Variants in DMRT3 observed in about 807,000 individuals in gnomAD.
DMRT3 encodes doublesex- and mab-3-related transcription factor 3.
Under a neutral mutation model 34.9 loss-of-function variants are expected in DMRT3, and 29 were observed. The observed-to-expected ratio is 0.83, with a 90% CI of 0.62 to 1.13. The LOEUF (loss-of-function observed/expected upper bound fraction) is 1.13, where lower values mean the gene tolerates loss of function less well. DMRT3 is among the 50% of genes most tolerant of loss of function. The probability of loss-of-function intolerance (pLI) is 0.00; values close to 1 mark genes in which losing one functional copy is unlikely to be tolerated. For synonymous variants in DMRT3, 350 were observed against 286.0 expected (o/e 1.22, Z -2.26); for missense variants, 772 against 629.1 (o/e 1.23, Z -2.43).
intron 1 of DMRT3, among the ~76,000 whole-genome samples, chr9:988,282 G>T (rs1311369670): frequency 6.6e-6 from 1 of 152,176 alleles, no homozygotes; most frequent in Non-Finnish European, 1.5e-5. Flanking sequence ...TAATTAAAAT[G>T]CAAATTTGGG....
In DMRT3 at chr9:990,239, C is replaced by T. The variant is rs753776043; in HGVS notation, c.653C>T (p.Pro218Leu). The T allele has an allele frequency of 1.2e-6, 2 of 1,614,068 alleles. No homozygotes were observed. Among genetic ancestry groups the T allele is most frequent in the African/African-American group, 1.3e-5 (1 of 75,018 alleles). Residue 218 changes from proline (P) to leucine (L), a missense_variant, in exon 2 of 2, where the codon CCT (proline) becomes CTT (leucine). Pro to Leu is a moderately conservative substitution (Grantham distance 98). Coordinates refer to ENST00000190165, the MANE Select transcript of DMRT3 (RefSeq NM_021240.4). ...QKNGGNPESR[P>L]DSPKCHAEQN... ...AACGGAGGCAACCCCGAGAGCCGCC[C>T]TGACAGCCCCAAGTGTCACGCGGAG... is the stretch of plus-strand genomic sequence containing the variant.
At chr9:983,490 C>T (rs1027040344) in intron 1 of DMRT3, among the ~76,000 whole-genome samples, 2 of 152,016 alleles carry the variant, frequency 1.3e-5, no homozygotes, top group African/African-American at 2.4e-5. Flanking sequence ...TGGAATTTTG[C>T]AAAAGATTAG....
rs1385600154 is a variant in DMRT3 at position 976,786 on chromosome 9, G to T, written c.-216G>T. 6.6e-6 allele frequency among the ~76,000 whole-genome samples: 1 copy of T among 152,282 alleles called. No homozygotes were observed. The highest frequency in any genetic ancestry group is 1.9e-4 in the East Asian group (1 of 5,150). On this transcript the variant is annotated 5_prime_UTR_variant, in exon 1 of 2. Transcript: ENST00000190165. This position sits in a 1 kb window ranked among gnomAD's most constrained non-coding sequence, Gnocchi z 4.5. ...AGAGGCCCGCGTCGGCGTTGGCTGG[G>T]CGTGAGCTGGGAGGCCGAGCTGTGA...
Position 990,276 on chromosome 9 carries a change from C to T in DMRT3, c.690C>T (p.Leu230=). The T allele has an allele frequency of 6.2e-7, 1 of 1,613,950 alleles. No individual in the cohort carries two copies. Among genetic ancestry groups the T allele is most frequent in the South Asian group, 1.1e-5 (1 of 91,052 alleles). The change falls in exon 2 of 2, where the codon CTC becomes CTT. Residue 230 remains leucine (L), a synonymous_variant. Coordinates refer to ENST00000190165, the MANE Select transcript of DMRT3 (RefSeq NM_021240.4). ...AGTGTCACGCGGAGCAGAATCACCT[C>T]CTGATTGAGGGCCCCTCGGGGACTG... ...SPKCHAEQNH[L]LIEGPSGTVS...
rs757070266 is a variant in DMRT3, at chr9:990,102, C to T, written c.516C>T (p.Asp172=). Residue 172 remains aspartate, a synonymous_variant, in exon 2 of 2, where the codon GAC becomes GAT. Transcript: ENST00000190165. ...KSADNTEVFS[D]KDTDQRSSPD... ...CAGACAATACAGAGGTCTTCAGTGA[C>T]AAAGACACTGACCAGAGGAGTTCCC... 7 of 1,614,026 alleles carry T rather than the reference C, an allele frequency of 4.3e-6. No homozygotes were observed. The South Asian group carries it at 4.4e-5, about 10-fold the overall frequency.
chr9:987,200 A>G (rs1327085454), intron 1 of DMRT3, among the ~76,000 whole-genome samples: 1 of 152,098 alleles, frequency 6.6e-6, no homozygotes. Flanking sequence ...ATGAAACAAT[A>G]ACTCCCCATT....
At chr9:983,858 G>A (rs900558434) in intron 1 of DMRT3, among the ~76,000 whole-genome samples, 5 of 150,812 alleles carry the variant, frequency 3.3e-5, no homozygotes, top group Admixed American at 2.6e-4. Flanking sequence ...TCCTTCATAC[G>A]TTATTAATTC....
chr9:991,470 T>C lies in DMRT3; in HGVS notation c.*465T>C, dbSNP rs1221659583. On this transcript the variant is annotated 3_prime_UTR_variant, in exon 2 of 2. Transcript: ENST00000190165. ...GGACATTATATTCTTACACTAAAAA[T>C]CCTTGCATTTTAAAGAGAGATGCAC... The C allele has an allele frequency of 6.5e-6, 1 of 154,744 alleles. No homozygotes were observed. The highest frequency in any genetic ancestry group is 1.4e-5 in the Non-Finnish European group (1 of 69,574). 9.6% of individuals were successfully genotyped at this position (154,744 alleles called of 1,614,324 possible). A position where few individuals can be genotyped will look rare whatever the true frequency, so the allele number is the denominator to read the frequency against.
intron 1 of DMRT3, among the ~76,000 whole-genome samples, chr9:987,715 C>T (rs1467293519): frequency 2.6e-5 from 4 of 151,870 alleles, no homozygotes; most frequent in South Asian, 2.1e-4. Context: ...CTCCCAGTAT[C>T]GTGCAGAAAT....
rs1051963672 is a variant in DMRT3 at position 976,728 on chromosome 9, G to C, written c.-274G>C. On this transcript the variant is annotated 5_prime_UTR_variant, in exon 1 of 2. Coordinates refer to ENST00000190165, the MANE Select transcript of DMRT3 (RefSeq NM_021240.4). The surrounding 1 kb of genome is among the most constrained non-coding windows in gnomAD (Gnocchi z 4.5). ...CAGCCGCCGCAGCGCCTCCGCGAAG[G>C]AGGACGTGCCGACCCGGCTGCGCGC... Among the ~76,000 whole-genome samples the C allele has an allele frequency of 2.0e-5, 3 of 152,172 alleles. No homozygotes were observed. Among genetic ancestry groups the C allele is most frequent in the Non-Finnish European group, 4.4e-5 (3 of 68,010 alleles).
In DMRT3 at chr9:991,091, T is replaced by C. The variant is rs2130079314; in HGVS notation, c.*86T>C. On this transcript the variant is annotated 3_prime_UTR_variant, in exon 2 of 2. Transcript: ENST00000190165. ...CTGAGGAGAGGCCACATCTTGTGTA[T>C]GCCCTTTCCTTCTGTTTGACAAAGT... is the stretch of plus-strand genomic sequence containing the variant. The C allele has an allele frequency of 6.7e-7, 1 of 1,485,650 alleles. No individual in the cohort carries two copies. The highest frequency in any genetic ancestry group is 9.0e-7 in the Non-Finnish European group (1 of 1,107,168). The allele number at this position is 1,485,650 out of a possible 1,614,324, so 92.0% of individuals were successfully genotyped here.
At chr9:979,189 C>T (rs1206492753) in intron 1 of DMRT3, among the ~76,000 whole-genome samples, 2 of 152,058 alleles carry the variant, frequency 1.3e-5, no homozygotes, top group Admixed American at 1.3e-4. Flanking sequence ...TCAGAGTATT[C>T]TTTGGGATAG....
intron 1 of DMRT3, among the ~76,000 whole-genome samples, chr9:986,678 G>A (rs1175794168): frequency 1.3e-5 from 2 of 152,014 alleles, no homozygotes; most frequent in African/African-American, 2.4e-5. Flanking sequence ...GGATCATGAG[G>A]TCAGGAGTTC....
Position 990,357 on chromosome 9 carries a change from G to T in DMRT3, c.771G>T (p.Lys257Asn), listed in dbSNP as rs780127464. 2.5e-6 allele frequency: 4 copies of T among 1,613,856 alleles called. No individual in the cohort carries two copies. Among genetic ancestry groups the T allele is most frequent in the Non-Finnish European group, 3.4e-6 (4 of 1,180,014 alleles). The change falls in exon 2 of 2, where the codon AAG (lysine) becomes AAT (asparagine). Residue 257 changes from lysine to asparagine, a missense_variant. Coordinates refer to ENST00000190165, the MANE Select transcript of DMRT3 (RefSeq NM_021240.4). ...ANRPPLEVLK[K>N]IFPNQKPTVL... ...GACCGCCGCTTGAAGTGTTAAAAAA[G>T]ATATTCCCCAACCAGAAGCCAACGG...
Position 991,118 on chromosome 9 carries a change from A to G in DMRT3, c.*113A>G. The G allele has an allele frequency of 7.3e-7, 1 of 1,366,256 alleles. No homozygotes were observed. The highest frequency in any genetic ancestry group is 9.9e-7 in the Non-Finnish European group (1 of 1,008,450). 84.6% of individuals were successfully genotyped at this position (1,366,256 alleles called of 1,614,324 possible). On this transcript the variant is annotated 3_prime_UTR_variant, in exon 2 of 2. Transcript: ENST00000190165. ...CCCTTTCCTTCTGTTTGACAAAGTG[A>G]CTGTGCTTGATTCTATACATTAGCA...
At chr9:982,447 T>C (rs2130061465) in intron 1 of DMRT3, among the ~76,000 whole-genome samples, 1 of 152,328 alleles carries the variant, frequency 6.6e-6, no homozygotes, top group Admixed American at 6.5e-5. Flanking sequence ...AACCAACTTT[T>C]CTTTTTCCCT....
intron 1 of DMRT3, among the ~76,000 whole-genome samples, chr9:978,199 C>T (rs1344785081): frequency 6.6e-6 from 1 of 152,196 alleles, no homozygotes; most frequent in Non-Finnish European, 1.5e-5. Flanking sequence ...CCCCAGGCTG[C>T]CCTCAGCTGT....
At position 990,083 on chromosome 9, in the gene DMRT3, A is replaced by G. The variant is rs1820334007; in HGVS notation, c.497A>G (p.Asn166Ser). ...ERLGDGKSAD[N>S]TEVFSDKDTD... ...CTTGGAGACGGCAAGTCGGCAGACA[A>G]TACAGAGGTCTTCAGTGACAAAGAC... Residue 166 changes from asparagine to serine, a missense_variant, in exon 2 of 2, where the codon AAT (asparagine) becomes AGT (serine). Transcript: ENST00000190165. 3 of 1,614,092 alleles carry G rather than the reference A, an allele frequency of 1.9e-6. No individual in the cohort carries two copies. The highest frequency in any genetic ancestry group is 1.6e-4 in the Middle Eastern group (1 of 6,062).
intron 1 of DMRT3, among the ~76,000 whole-genome samples, chr9:984,516 T>G (rs532117172): frequency 1.4e-4 from 21 of 152,034 alleles, no homozygotes; most frequent in African/African-American, 5.1e-4. Context: ...AGTGCAGTGG[T>G]GAGATCTGCA....
Sources: allele counts gnomAD v4.1 joint callset (sites outside exome capture counted in the v4.1 genomes callset), GRCh38; gene constraint gnomAD v4.1.1; non-coding constraint Gnocchi (gnomAD v3.1); transcripts MANE v1.5; gene names NCBI Gene and HGNC (gene_info 2026-07-23, HGNC 2026-07-21).